The following TMEM255B variants were observed in gnomAD, a reference collection of about 807,000 sequenced individuals.
TMEM255B encodes the protein family with sequence similarity 70, member B.
Under a neutral mutation model 34.5 loss-of-function variants are expected in TMEM255B, and 35 were observed. That is an observed-to-expected ratio of 1.01 (90% CI 0.77 to 1.34). The LOEUF (loss-of-function observed/expected upper bound fraction) is 1.34. Ranked by LOEUF, TMEM255B falls within the 40% of genes most tolerant of loss-of-function variation. TMEM255B has a pLI of 0.00. For synonymous variants in TMEM255B, 206 were observed against 201.2 expected, an observed-to-expected ratio of 1.02 and a Z score of -0.20; for missense variants, 432 against 433.2, an observed-to-expected ratio of 1.00 and a Z score of 0.02.
At chr13:113,765,984 T>TG in intron 1 of TMEM255B, 131 bp from the exon 2 acceptor site, 11 of 1,189,600 alleles carry the variant, frequency 9.2e-6, no homozygotes, top group Non-Finnish European at 1.3e-5. Flanking sequence ...TCCCCTGAGG[T>TG]GGGCCTGGAG....
In TMEM255B at chr13:113,799,274, T is replaced by C. The variant is rs1031725608; in HGVS notation, c.343-65T>C. The C allele has an allele frequency of 4.6e-6, 7 of 1,517,714 alleles. No homozygotes were observed. In the Admixed American group the frequency reaches 1.3e-4, roughly 27 times the overall value. The allele number at this position is 1,517,714 out of a possible 1,614,324, so 94.0% of individuals were successfully genotyped here. A position where few individuals can be genotyped will look rare whatever the true frequency, so the allele number is the denominator to read the frequency against. On this transcript the variant is annotated intron_variant, in intron 4 of 8. Coordinates refer to ENST00000375353, the MANE Select transcript of TMEM255B (RefSeq NM_182614.4). ...AGCCTGAGACCCACAGGCCTGAAAT[T>C]GCCTCTGGCCTCTCCCGCCTGGAGG...
intron 1 of TMEM255B, among the ~76,000 whole-genome samples, chr13:113,761,986 A>G (rs2050315854): frequency 1.3e-5 from 2 of 152,212 alleles, no homozygotes; most frequent in Non-Finnish European, 2.9e-5. Flanking sequence ...GTTTGGGTCC[A>G]GTCCCTGTAA....
intron 5 of TMEM255B, chr13:113,800,147 T>C: frequency 1.2e-6 from 1 of 830,360 alleles, no homozygotes; most frequent in Non-Finnish European, 1.5e-6. Context: ...GGAGGTGTCC[T>C]GTGTGTGTAT....
At chr13:113,795,912 AGC>A (rs2050920424) in intron 4 of TMEM255B, among the ~76,000 whole-genome samples, 1 of 111,890 alleles carries the variant, frequency 8.9e-6, no homozygotes, top group Non-Finnish European at 2.1e-5. Context: ...CACACAACAC[AGC>A]ACACAGCACA....
intron 4 of TMEM255B, among the ~76,000 whole-genome samples, chr13:113,796,944 C>T (rs1182428716): frequency 1.3e-5 from 2 of 152,264 alleles, no homozygotes; most frequent in East Asian, 3.9e-4. Context: ...GGCCCACATG[C>T]TCACACTCGC....
At chr13:113,760,932 GTC>G (rs2050297371) in intron 1 of TMEM255B, among the ~76,000 whole-genome samples, 1 of 147,944 alleles carries the variant, frequency 6.8e-6, no homozygotes, top group African/African-American at 2.5e-5. Context: ...GCTTTGGTGT[GTC>G]TGGAGGTAGA....
chr13:113,804,977 C>T lies in TMEM255B; in HGVS notation c.762C>T (p.Arg254=). Residue 254 remains arginine (R), a synonymous_variant, in exon 8 of 9, where the codon CGC becomes CGT. Transcript: ENST00000375353. ...AQQILAYAGF[R]LTPEPVPTCS... Reference sequence around the variant, plus strand: ...AGATCCTGGCCTACGCAGGCTTCCGCCTGACGCCCGAGCCCGTCCCGACCT... The same window carrying T: ...AGATCCTGGCCTACGCAGGCTTCCGTCTGACGCCCGAGCCCGTCCCGACCT... 1.9e-6 allele frequency: 3 copies of T among 1,606,760 alleles called. No individual in the cohort carries two copies. The highest frequency in any genetic ancestry group is 1.7e-4 in the Middle Eastern group (1 of 6,060).
chr13:113,799,493 C>T (rs1415770987), intron 5 of TMEM255B, 74 bp downstream of exon 5: 6 of 1,388,720 alleles, frequency 4.3e-6, no homozygotes, highest in Non-Finnish European at 6.1e-6. Context: ...TTTCCCTGCA[C>T]ATAGGCGTGG....
chr13:113,811,706 C>T (rs1198561496), intron 8 of TMEM255B, 30 bp from the exon 9 acceptor site: 1 of 1,612,300 alleles, frequency 6.2e-7, no homozygotes, highest in Non-Finnish European at 8.5e-7. Context: ...GTCTCACCTG[C>T]TAACCCAGGG....
intron 3 of TMEM255B, among the ~76,000 whole-genome samples, chr13:113,791,589 C>A (rs1328180721): frequency 2.0e-5 from 3 of 152,150 alleles, no homozygotes; most frequent in Non-Finnish European, 4.4e-5. Flanking sequence ...TGCTTGTGCT[C>A]CTGAGCTGAG....
chr13:113,804,649 C>A (rs2051131567), intron 7 of TMEM255B, among the ~76,000 whole-genome samples: 1 of 143,362 alleles, frequency 7.0e-6, no homozygotes. Context: ...CACGCCGGGC[C>A]GGGGTTAGCT....
intron 5 of TMEM255B, 80 bp from the exon 6 acceptor site, chr13:113,800,747 C>A: frequency 7.2e-7 from 1 of 1,388,928 alleles, no homozygotes; most frequent in East Asian, 2.5e-5. Flanking sequence ...TCCCAGCTCC[C>A]ATGAGGCAGC....
chr13:113,768,786 C>G (rs1432349892), intron 2 of TMEM255B: 3 of 483,688 alleles, frequency 6.2e-6, no homozygotes, highest in Admixed American at 2.3e-5. Flanking sequence ...CTTGGTGGCC[C>G]TGGGTTCCCG....
intron 8 of TMEM255B, among the ~76,000 whole-genome samples, chr13:113,811,488 G>A (rs1339718668): frequency 3.4e-5 from 5 of 147,710 alleles, no homozygotes; most frequent in Non-Finnish European, 6.0e-5. Context: ...GGGTCTGTGG[G>A]GGGCCCGTGT....
chr13:113,803,767 C>G (rs2051109199), intron 7 of TMEM255B, among the ~76,000 whole-genome samples: 1 of 152,202 alleles, frequency 6.6e-6, no homozygotes, highest in Non-Finnish European at 1.5e-5. Context: ...GGACCAAGGA[C>G]CAGCTGCCCA....
chr13:113,800,762 C>T lies in TMEM255B; in HGVS notation c.424-65C>T, dbSNP rs899047642. 1.0e-5 allele frequency: 15 copies of T among 1,487,404 alleles called. 1 individual carries two copies. In the South Asian group the frequency reaches 1.5e-4, roughly 14 times the overall value. The allele number at this position is 1,487,404 out of a possible 1,614,324, so 92.1% of individuals were successfully genotyped here. A position where few individuals can be genotyped will look rare whatever the true frequency, so the allele number is the denominator to read the frequency against. On this transcript the variant is annotated intron_variant, in intron 5 of 8. Coordinates refer to ENST00000375353, the MANE Select transcript of TMEM255B (RefSeq NM_182614.4). ...TCCCAGCTCCCATGAGGCAGCCCTG[C>T]CCTTGGTGGGGTGGGTGAGGTGGTG...
intron 3 of TMEM255B, among the ~76,000 whole-genome samples, chr13:113,776,746 G>A (rs781401573): frequency 6.6e-6 from 1 of 152,206 alleles, no homozygotes; most frequent in Non-Finnish European, 1.5e-5. Flanking sequence ...CACAGTGGGC[G>A]CAGGCGACCT....
At chr13:113,778,810 T>C (rs1160927046) in intron 3 of TMEM255B, among the ~76,000 whole-genome samples, 1 of 152,224 alleles carries the variant, frequency 6.6e-6, no homozygotes, top group African/African-American at 2.4e-5. Flanking sequence ...TTTTCTAGCC[T>C]GGGCAGGGCC....
rs1385309749 is a variant in TMEM255B at position 113,759,829 on chromosome 13, C to T, written c.46+514C>T. ...AGTGTTGCTTGGTTTCGGCTCGCCC[C>T]TCTCTCGTGTTTCTCCCCGGTGTGT... On this transcript the variant is annotated intron_variant, in intron 1 of 8. Coordinates refer to ENST00000375353, the MANE Select transcript of TMEM255B (RefSeq NM_182614.4). Among the ~76,000 whole-genome samples the T allele has an allele frequency of 5.9e-5, 9 of 152,330 alleles. No individual in the cohort carries two copies. In the East Asian group the frequency reaches 1.4e-3, roughly 23 times the overall value.
Sources: allele counts gnomAD v4.1 joint callset (sites outside exome capture counted in the v4.1 genomes callset), GRCh38; gene constraint gnomAD v4.1.1; transcripts MANE v1.5; gene names NCBI Gene and HGNC (gene_info 2026-07-23, HGNC 2026-07-21).